Variants in DCDC1 observed in about 807,000 individuals in gnomAD.
The protein encoded by DCDC1 is doublecortin domain containing 1, also known as doublecortin domain-containing protein 1.
A neutral mutation model predicts 178.3 loss-of-function variants in DCDC1; 200 were observed. The observed-to-expected ratio is 1.12, with a 90% CI of 1.00 to 1.26. DCDC1 has a LOEUF of 1.26. DCDC1 is among the 50% of genes most tolerant of loss of function. DCDC1 has a pLI of 0.00. For synonymous variants in DCDC1, 690 were observed against 604.8 expected (o/e 1.14, Z -2.07); for missense variants, 1,983 against 1,749.2 (o/e 1.13, Z -2.38).
At chr11:31,161,155 C>T (rs938159269) in intron 9 of DCDC1, among the ~76,000 whole-genome samples, 4 of 152,110 alleles carry the variant, frequency 2.6e-5, no homozygotes, top group African/African-American at 9.7e-5. Context: ...GTACAGATTT[C>T]ACACAGTGTA....
At chr11:31,287,250 C>A (rs908253805) in intron 7 of DCDC1, among the ~76,000 whole-genome samples, 4 of 151,172 alleles carry the variant, frequency 2.6e-5, no homozygotes, top group East Asian at 1.9e-4. Context: ...CAAAAAAAAA[C>A]AAGTACTCAG....
At chr11:31,291,016 T>TAAGCTGTAGC (rs1947191787) in intron 6 of DCDC1, among the ~76,000 whole-genome samples, 164 bp from the exon 7 acceptor site, 1 of 152,050 alleles carries the variant, frequency 6.6e-6, no homozygotes, top group Admixed American at 6.6e-5. Flanking sequence ...AACTGTGACA[T>TAAGCTGTAGC]AAGCTGTAGC....
At chr11:31,235,121 A>G (rs1294169889) in intron 9 of DCDC1, among the ~76,000 whole-genome samples, 2 of 152,176 alleles carry the variant, frequency 1.3e-5, no homozygotes, top group Non-Finnish European at 2.9e-5. Context: ...TCATCTAACT[A>G]AAGAATGATC....
intron 20 of DCDC1, among the ~76,000 whole-genome samples, chr11:31,025,133 A>G (rs186735987): frequency 6.6e-6 from 1 of 151,972 alleles, no homozygotes; most frequent in East Asian, 1.9e-4. Flanking sequence ...TAAAGAGAAA[A>G]GTAACATTTT....
chr11:31,050,714 C>T (rs928323060), intron 20 of DCDC1, among the ~76,000 whole-genome samples: 7 of 152,122 alleles, frequency 4.6e-5, no homozygotes, highest in Non-Finnish European at 8.8e-5. Context: ...AGCCTGGAGC[C>T]GGGAAGACTC....
chr11:31,004,044 C>T (rs528712006), intron 20 of DCDC1, among the ~76,000 whole-genome samples: 1 of 152,124 alleles, frequency 6.6e-6, no homozygotes, highest in African/African-American at 2.4e-5. Flanking sequence ...ACAATAAGGT[C>T]AGTTTTTGAA....
chr11:31,349,080 ATGTTTCCTGTT>A (rs1950951113), intron 1 of DCDC1, among the ~76,000 whole-genome samples: 1 of 152,044 alleles, frequency 6.6e-6, no homozygotes, highest in Non-Finnish European at 1.5e-5. Flanking sequence ...CAAATAAGTT[ATGTTTCCTGTT>A]GGAATTTCAG....
chr11:31,010,526 T>C (rs1280729078), intron 20 of DCDC1, among the ~76,000 whole-genome samples: 1 of 152,216 alleles, frequency 6.6e-6, no homozygotes, highest in African/African-American at 2.4e-5. Flanking sequence ...TATGTAATGA[T>C]ATGTAATGAT....
chr11:30,879,451 A>G (rs1437455107), intron 37 of DCDC1, among the ~76,000 whole-genome samples: 1 of 152,216 alleles, frequency 6.6e-6, no homozygotes, highest in Non-Finnish European at 1.5e-5. Context: ...CGACTAAATC[A>G]GACTTTCTGC....
At chr11:31,330,565 A>G (rs1043580528) in intron 2 of DCDC1, among the ~76,000 whole-genome samples, 1 of 152,110 alleles carries the variant, frequency 6.6e-6, no homozygotes, top group African/African-American at 2.4e-5. Flanking sequence ...ATCTTGAATT[A>G]ATTTTTGTAT....
chr11:30,881,208 C>T lies in DCDC1; in HGVS notation c.5183G>A (p.Arg1728Gln), dbSNP rs201047907. 193 of 1,613,444 alleles carry T rather than the reference C, an allele frequency of 1.2e-4. 1 individual carries two copies. The highest frequency in any genetic ancestry group is 6.6e-4 in the Middle Eastern group (4 of 6,076). ...EPIQSWDDIE[R>Q]DMVICVSMGH... Reference sequence around the variant, plus strand: ...CATAGACACACAGATGACCATATCTCGCTCTATGTCGTCCCAGGACTGAAT... The same window carrying T: ...CATAGACACACAGATGACCATATCTTGCTCTATGTCGTCCCAGGACTGAAT... The change falls in exon 37 of 39, where the codon CGA becomes CAA. Residue 1728 changes from arginine (R) to glutamine (Q), a missense_variant. Transcript: ENST00000684477.
At chr11:30,952,820 A>C (rs1948513954) in intron 20 of DCDC1, among the ~76,000 whole-genome samples, 1 of 152,202 alleles carries the variant, frequency 6.6e-6, no homozygotes, top group Admixed American at 6.5e-5. Context: ...TATTTGAGGC[A>C]AAAGGTAAAG....
chr11:31,021,020 C>T (rs1247567655), intron 20 of DCDC1, among the ~76,000 whole-genome samples: 1 of 152,094 alleles, frequency 6.6e-6, no homozygotes, highest in Non-Finnish European at 1.5e-5. Flanking sequence ...AAAATAATTG[C>T]AAGGACAGAC....
intron 1 of DCDC1, among the ~76,000 whole-genome samples, chr11:31,362,673 G>T (rs1232578424): frequency 6.6e-6 from 1 of 152,066 alleles, no homozygotes; most frequent in African/African-American, 2.4e-5. Context: ...AGCTACAAAA[G>T]ACTAGAGTCA....
intron 9 of DCDC1, among the ~76,000 whole-genome samples, chr11:31,143,795 A>G (rs969621606): frequency 1.3e-5 from 2 of 152,252 alleles, no homozygotes; most frequent in Non-Finnish European, 2.9e-5. Context: ...CCTTTCATTT[A>G]TAACTGGCTG....
chr11:31,355,452 T>C (rs1024191707), intron 1 of DCDC1, among the ~76,000 whole-genome samples: 1 of 152,222 alleles, frequency 6.6e-6, no homozygotes, highest in South Asian at 2.1e-4. Flanking sequence ...CATTATGTAA[T>C]TGACATACCT....
intron 7 of DCDC1, chr11:31,280,535 G>C (rs765929646): frequency 1.8e-5 from 5 of 276,256 alleles, no homozygotes; most frequent in Non-Finnish European, 3.5e-5. Flanking sequence ...TTTTAAATCA[G>C]GACTGCCCAA....
chr11:31,022,641 GTT>G (rs1491573909), intron 20 of DCDC1, among the ~76,000 whole-genome samples: 25 of 119,606 alleles, frequency 2.1e-4, no homozygotes, highest in African/African-American at 7.4e-4. Context: ...GTGTCTTTTA[GTT>G]TGTGTGTGTG....
intron 10 of DCDC1, among the ~76,000 whole-genome samples, chr11:31,128,133 C>T (rs776608052): frequency 4.6e-5 from 7 of 151,742 alleles, no homozygotes; most frequent in Non-Finnish European, 4.4e-5. Flanking sequence ...TTAAAGTTAA[C>T]CTATTATCTT....
Sources: gnomAD v4.1 joint callset for allele counts (sites outside exome capture counted in the v4.1 genomes callset) on GRCh38, gnomAD v4.1.1 for gene constraint, MANE v1.5 for transcripts, NCBI Gene and HGNC (gene_info 2026-07-23, HGNC 2026-07-21) for gene names.